Variants in MYT1 observed in about 807,000 individuals in gnomAD.
MYT1 encodes myelin transcription factor 1.
MYT1 carries 23 observed loss-of-function variants against 123.0 expected under a neutral mutation model. The observed-to-expected ratio is 0.19, with a 90% CI of 0.13 to 0.26. The LOEUF (loss-of-function observed/expected upper bound fraction) is 0.26, where lower values mean the gene tolerates loss of function less well. Ranked by LOEUF, MYT1 falls within the 10% of genes least tolerant of loss-of-function variation. MYT1 has a pLI of 1.00. For synonymous variants in MYT1, 518 were observed against 575.3 expected (o/e 0.90, Z 1.43); for missense variants, 1,125 against 1,472.5 (o/e 0.76, Z 3.86).
At chr20:64,235,687 G>C (rs1984501433) in intron 19 of MYT1, among the ~76,000 whole-genome samples, 1 of 145,508 alleles carries the variant, frequency 6.9e-6, no homozygotes, top group African/African-American at 2.6e-5. Flanking sequence ...CACTGGGCTG[G>C]TGGTGGTGGG....
intron 19 of MYT1, among the ~76,000 whole-genome samples, chr20:64,233,982 G>A (rs1456675475): frequency 6.6e-6 from 1 of 152,222 alleles, no homozygotes; most frequent in Non-Finnish European, 1.5e-5. Flanking sequence ...CTGGCAGAAG[G>A]CAGAGGAGAG....
intron 20 of MYT1, 72 bp from the exon 21 acceptor site, chr20:64,237,215 G>T: frequency 7.8e-7 from 1 of 1,282,174 alleles, no homozygotes; most frequent in Non-Finnish European, 1.1e-6. Flanking sequence ...TAGAAAGCAG[G>T]CTTCCCCACA....
At chr20:64,235,684 C>A (rs1474494308) in intron 19 of MYT1, among the ~76,000 whole-genome samples, 44 of 125,780 alleles carry the variant, frequency 3.5e-4, no homozygotes, top group African/African-American at 1.3e-3. Flanking sequence ...TGACACTGGG[C>A]TGGTGGTGGT....
chr20:64,170,931 A>AGAGACGGAGAGAGACGGAGT (rs1982258446), intron 1 of MYT1, among the ~76,000 whole-genome samples: 1 of 126,232 alleles, frequency 7.9e-6, no homozygotes, highest in Non-Finnish European at 1.7e-5. Context: ...AGAGAGAGAG[A>AGAGACGGAGAGAGACGGAGT]GAGACGGAGT....
rs1040628417 is a variant in MYT1, at chr20:64,166,740, C to T, written c.-99+2001C>T. Among the ~76,000 whole-genome samples, 2 of 152,196 alleles carry T rather than the reference C, an allele frequency of 1.3e-5. No homozygotes were observed. The highest frequency in any genetic ancestry group is 2.4e-5 in the African/African-American group (1 of 41,446). ...CCCCTGGTGCATGAGTGGGGAAACACTCTCTGAGATGACCCCTTCTAGCCA... is the reference window on the plus strand; with the variant it reads ...CCCCTGGTGCATGAGTGGGGAAACATTCTCTGAGATGACCCCTTCTAGCCA... On this transcript the variant is annotated intron_variant, in intron 1 of 22. Transcript: ENST00000328439. This position sits in a 1 kb window ranked among gnomAD's most constrained non-coding sequence, Gnocchi z 4.9.
At position 64,232,036 on chromosome 20, in the gene MYT1, C is replaced by A; in HGVS notation, c.2676-128C>A. On this transcript the variant is annotated intron_variant, in intron 18 of 22. Coordinates refer to ENST00000328439, the MANE Select transcript of MYT1 (RefSeq NM_004535.3). This position sits in a 1 kb window ranked among gnomAD's most constrained non-coding sequence, Gnocchi z 6.9. ...GAGGCTCCAGGACCTCAGCGGCCCT[C>A]CCTGCCTCACTCAGAAGCCCTTTAA... 1.1e-6 allele frequency: 1 copy of A among 908,298 alleles called. No individual in the cohort carries two copies. Among genetic ancestry groups the A allele is most frequent in the Non-Finnish European group, 1.7e-6 (1 of 595,814 alleles). The allele number at this position is 908,298 out of a possible 1,614,324, so 56.3% of individuals were successfully genotyped here.
At chr20:64,195,934 A>G (rs150677790) in intron 2 of MYT1, among the ~76,000 whole-genome samples, 154 of 152,282 alleles carry the variant, frequency 1.0e-3, no homozygotes, top group Middle Eastern at 3.4e-3. Flanking sequence ...TTCCTATCGA[A>G]GGCAGAACTA....
At position 64,186,482 on chromosome 20, in the gene MYT1, T is replaced by C. The variant is rs549757808; in HGVS notation, c.-98-3581T>C. Among the ~76,000 whole-genome samples, 17 of 152,244 alleles carry C rather than the reference T, an allele frequency of 1.1e-4. No homozygotes were observed. Among genetic ancestry groups the C allele is most frequent in the Non-Finnish European group, 2.2e-4 (15 of 68,034 alleles). On this transcript the variant is annotated intron_variant, in intron 1 of 22. Coordinates refer to ENST00000328439, the MANE Select transcript of MYT1 (RefSeq NM_004535.3). This position sits in a 1 kb window ranked among gnomAD's most constrained non-coding sequence, Gnocchi z 4.3. Reference sequence around the variant, plus strand: ...TTCAGATTCCTGACAAGAAAGGCCATGGTGATGACAACAGCACTGACGTCC... The same window carrying C: ...TTCAGATTCCTGACAAGAAAGGCCACGGTGATGACAACAGCACTGACGTCC...
At chr20:64,195,417 A>G (rs1983087705) in intron 2 of MYT1, among the ~76,000 whole-genome samples, 2 of 5,940 alleles carry the variant, frequency 3.4e-4, no homozygotes, top group Non-Finnish European at 3.8e-4. Context: ...TTTTTTTGAG[A>G]CGGAGTCTCA....
At chr20:64,183,972 C>T (rs866316417) in intron 1 of MYT1, among the ~76,000 whole-genome samples, 8 of 152,172 alleles carry the variant, frequency 5.3e-5, no homozygotes, top group Middle Eastern at 3.4e-3. Flanking sequence ...AGACACGCAC[C>T]GCCATACCCA....
rs1320752038 is a variant in MYT1 at position 64,240,596 on chromosome 20, A to C, written c.*148A>C. The C allele has an allele frequency of 7.6e-6, 9 of 1,178,676 alleles. No homozygotes were observed. The highest frequency in any genetic ancestry group is 9.2e-6 in the Non-Finnish European group (8 of 871,818). 73.0% of individuals were successfully genotyped at this position (1,178,676 alleles called of 1,614,324 possible). On this transcript the variant is annotated 3_prime_UTR_variant, in exon 23 of 23. Transcript: ENST00000328439. ...GGGTTTATCCAAAGGGATGGCTGGA[A>C]ATTGGCCGCTCCCACGAGGCTCCCT...
At chr20:64,239,718 G>A in intron 21 of MYT1, 42 bp from the exon 22 acceptor site, 4 of 1,611,442 alleles carry the variant, frequency 2.5e-6, no homozygotes, top group Non-Finnish European at 3.4e-6. Context: ...AGGAGGATGG[G>A]GGCCAAGGGC....
intron 4 of MYT1, among the ~76,000 whole-genome samples, chr20:64,200,577 C>A (rs1983264755): frequency 6.6e-6 from 1 of 152,182 alleles, no homozygotes; most frequent in Admixed American, 6.5e-5. Context: ...ACACTTGAGG[C>A]CCCGTAACTT....
rs760595316 is a variant in MYT1 at position 64,219,080 on chromosome 20, G to C, written c.1971+45G>C. The C allele has an allele frequency of 1.8e-5, 28 of 1,566,080 alleles. No individual in the cohort carries two copies. The South Asian group carries it at 3.2e-4, about 18-fold the overall frequency. On this transcript the variant is annotated intron_variant, in intron 12 of 22. Transcript: ENST00000328439. ...AGCCTTTCTTGGGAGAGGTGAGTTG[G>C]TGGAATTTGCAGTCAGGCCCACCTG... is the stretch of plus-strand genomic sequence containing the variant.
rs934247577 is a variant in MYT1, at chr20:64,197,397, T to G, written c.1-1465T>G. Among the ~76,000 whole-genome samples the G allele has an allele frequency of 3.9e-5, 6 of 152,268 alleles. 1 individual carries two copies. Among genetic ancestry groups the G allele is most frequent in the African/African-American group, 1.4e-4 (6 of 41,490 alleles). On this transcript the variant is annotated intron_variant, in intron 2 of 22. Transcript: ENST00000328439. ...AGGAGCAAAAGCCCCATTTAAGACG[T>G]GGGGGCTTCTGAGCCCCCTCCTGCT...
At chr20:64,216,260 C>G (rs1216402653) in intron 10 of MYT1, among the ~76,000 whole-genome samples, 1 of 152,274 alleles carries the variant, frequency 6.6e-6, no homozygotes, top group African/African-American at 2.4e-5. Flanking sequence ...GCCAGGATCT[C>G]CTCTTCTCTG....
rs1423545613 is a variant in MYT1, at chr20:64,168,756, G to A, written c.-99+4017G>A. Among the ~76,000 whole-genome samples the A allele has an allele frequency of 1.3e-5, 2 of 152,232 alleles. No individual in the cohort carries two copies. The highest frequency in any genetic ancestry group is 6.5e-5 in the Admixed American group (1 of 15,288). ...ATTTGGGACTGTGGCCTGGGAGCAC[G>A]GCCTGTGCCAGGAGGGTGCAGGTTG... On this transcript the variant is annotated intron_variant, in intron 1 of 22. Transcript: ENST00000328439. This position sits in a 1 kb window ranked among gnomAD's most constrained non-coding sequence, Gnocchi z 6.1.
intron 1 of MYT1, among the ~76,000 whole-genome samples, chr20:64,176,858 G>A (rs964236564): frequency 1.1e-4 from 17 of 152,218 alleles, no homozygotes; most frequent in African/African-American, 4.1e-4. Flanking sequence ...TGGCAGCCGG[G>A]GATGACAGGC....
At chr20:64,201,982 C>CCGCGTGTCGGGAACACCT (rs1983329095) in intron 4 of MYT1, among the ~76,000 whole-genome samples, 4 of 79,710 alleles carry the variant, frequency 5.0e-5, no homozygotes, top group African/African-American at 2.2e-4. Context: ...TCGGGAACCC[C>CCGCGTGTCGGGAACACCT]CGCGTGTCGG....
Sources: allele counts gnomAD v4.1 joint callset (sites outside exome capture counted in the v4.1 genomes callset), GRCh38; gene constraint gnomAD v4.1.1; non-coding constraint Gnocchi (gnomAD v3.1); transcripts MANE v1.5; gene names NCBI Gene and HGNC (gene_info 2026-07-23, HGNC 2026-07-21).